Variants in DTNB observed in about 807,000 individuals in gnomAD.
DTNB encodes DTN-B.
Under a neutral mutation model 90.7 loss-of-function variants are expected in DTNB, and 63 were observed. The observed-to-expected ratio is 0.69, with a 90% CI of 0.57 to 0.86. The LOEUF (loss-of-function observed/expected upper bound fraction) is 0.86. Ranked by LOEUF, DTNB falls within the 40% of genes least tolerant of loss-of-function variation. DTNB has a pLI of 0.00. For synonymous variants in DTNB, 277 were observed against 286.7 expected (o/e 0.97, Z 0.34); for missense variants, 744 against 807.1 (o/e 0.92, Z 0.95).
chr2:25,447,967 G>A (rs1406972671), intron 12 of DTNB, among the ~76,000 whole-genome samples: 2 of 152,198 alleles, frequency 1.3e-5, no homozygotes, highest in African/African-American at 2.4e-5. Flanking sequence ...AGGGGTGGCA[G>A]TAGTAGTGAC....
At chr2:25,553,564 C>G (rs1402204171) in intron 8 of DTNB, among the ~76,000 whole-genome samples, 1 of 151,282 alleles carries the variant, frequency 6.6e-6, no homozygotes, top group East Asian at 2.0e-4. Context: ...ATGGTGAAAC[C>G]CCATCTCTAC....
intron 16 of DTNB, among the ~76,000 whole-genome samples, chr2:25,410,130 G>A (rs2149715034): frequency 6.6e-6 from 1 of 152,274 alleles, no homozygotes; most frequent in South Asian, 2.1e-4. Flanking sequence ...GGGAGGCAGT[G>A]TGTCCTAGGA....
At chr2:25,613,952 C>T (rs1041709726) in intron 4 of DTNB, among the ~76,000 whole-genome samples, 2 of 151,990 alleles carry the variant, frequency 1.3e-5, no homozygotes, top group East Asian at 1.9e-4. Context: ...AGCAAGACTC[C>T]GTCTCTAAAT....
chr2:25,548,486 C>T (rs1352649463), intron 8 of DTNB, among the ~76,000 whole-genome samples: 1 of 151,078 alleles, frequency 6.6e-6, no homozygotes, highest in Non-Finnish European at 1.5e-5. Flanking sequence ...TTCCTAAGAA[C>T]AGAAGGAGGT....
chr2:25,454,773 C>T (rs1429166263), intron 11 of DTNB, among the ~76,000 whole-genome samples: 1 of 152,190 alleles, frequency 6.6e-6, no homozygotes, highest in Non-Finnish European at 1.5e-5. Flanking sequence ...TGAGTCACTA[C>T]CGCAGTAGTT....
At chr2:25,508,536 TG>T (rs1316596638) in intron 9 of DTNB, among the ~76,000 whole-genome samples, 3 of 129,928 alleles carry the variant, frequency 2.3e-5, no homozygotes, top group African/African-American at 1.1e-4. Context: ...TTTCGCTCTT[TG>T]TTTTTTATTT....
intron 9 of DTNB, among the ~76,000 whole-genome samples, chr2:25,508,537 G>T (rs1021057648): frequency 1.1e-4 from 14 of 127,624 alleles, no homozygotes; most frequent in African/African-American, 3.1e-4. Flanking sequence ...TTCGCTCTTT[G>T]TTTTTTATTT....
At chr2:25,618,758 T>C (rs140986908) in intron 4 of DTNB, among the ~76,000 whole-genome samples, 281 of 152,322 alleles carry the variant, frequency 1.8e-3, no homozygotes, top group African/African-American at 6.5e-3. Context: ...CTCCAGGGAA[T>C]GTCCTCCTTC....
At chr2:25,443,726 G>C (rs10181502) in intron 12 of DTNB, among the ~76,000 whole-genome samples, 3 of 152,206 alleles carry the variant, frequency 2.0e-5, no homozygotes, top group Non-Finnish European at 4.4e-5. Flanking sequence ...TCAGAAGGCT[G>C]GGAGTTTTCT....
chr2:25,529,817 T>A (rs1233602534), intron 9 of DTNB, among the ~76,000 whole-genome samples: 1 of 152,214 alleles, frequency 6.6e-6, no homozygotes, highest in African/African-American at 2.4e-5. Flanking sequence ...TTGGCTTTAT[T>A]AGATTTAACC....
intron 4 of DTNB, among the ~76,000 whole-genome samples, chr2:25,616,564 C>T (rs1366007581): frequency 6.9e-6 from 1 of 145,302 alleles, no homozygotes; most frequent in African/African-American, 2.6e-5. Context: ...TTATTAGTCT[C>T]AATGGCTGGT....
intron 9 of DTNB, among the ~76,000 whole-genome samples, chr2:25,506,617 G>A (rs560411243): frequency 6.6e-6 from 1 of 152,162 alleles, no homozygotes; most frequent in South Asian, 2.1e-4. Context: ...GAGAACATGA[G>A]GAAATACCCT....
intron 12 of DTNB, among the ~76,000 whole-genome samples, chr2:25,439,648 G>A (rs2056903206): frequency 6.6e-6 from 1 of 152,168 alleles, no homozygotes; most frequent in South Asian, 2.1e-4. Flanking sequence ...AGTGTAGTAG[G>A]AGAGGAATGA....
At chr2:25,564,736 T>G (rs892879936) in intron 8 of DTNB, among the ~76,000 whole-genome samples, 4 of 152,198 alleles carry the variant, frequency 2.6e-5, no homozygotes, top group African/African-American at 9.7e-5. Flanking sequence ...AGTTTAGTAC[T>G]TCTTTGATTA....
intron 11 of DTNB, among the ~76,000 whole-genome samples, chr2:25,454,257 C>T (rs934595614): frequency 1.3e-5 from 2 of 151,790 alleles, no homozygotes; most frequent in African/African-American, 4.8e-5. Flanking sequence ...CTATGGAAAA[C>T]GGTATAAAGT....
At chr2:25,655,869 A>T (rs1008353873) in intron 1 of DTNB, among the ~76,000 whole-genome samples, 2 of 152,144 alleles carry the variant, frequency 1.3e-5, no homozygotes, top group African/African-American at 4.8e-5. Context: ...CCACCTCCTG[A>T]AAACAATCTT....
chr2:25,395,268 G>A (rs2042098289), intron 16 of DTNB, among the ~76,000 whole-genome samples: 1 of 152,022 alleles, frequency 6.6e-6, no homozygotes, highest in Non-Finnish European at 1.5e-5. Context: ...ACTACACATG[G>A]GGTACAGTGT....
chr2:25,490,164 TACTCAG>T (rs1391060153), intron 9 of DTNB, among the ~76,000 whole-genome samples: 14 of 152,026 alleles, frequency 9.2e-5, no homozygotes, highest in Non-Finnish European at 2.1e-4. Context: ...TGGTCTCAGC[TACTCAG>T]GAGGCTGAGG....
intron 1 of DTNB, chr2:25,672,670 G>T (rs1032498491): frequency 2.6e-5 from 4 of 152,110 alleles, no homozygotes; most frequent in Non-Finnish European, 5.9e-5. Context: ...AAAATTCGAC[G>T]CTCCTTTGTA....
Sources: gnomAD v4.1 joint callset for allele counts (sites outside exome capture counted in the v4.1 genomes callset) on GRCh38, gnomAD v4.1.1 for gene constraint, MANE v1.5 for transcripts, NCBI Gene and HGNC (gene_info 2026-07-23, HGNC 2026-07-21) for gene names.